The following ATP1A1 variants were observed in gnomAD, a reference collection of about 807,000 sequenced individuals.
ATP1A1 encodes the protein sodium/potassium-transporting ATPase subunit alpha-1.
Under a neutral mutation model 114.8 loss-of-function variants are expected in ATP1A1, and 14 were observed. That is an observed-to-expected ratio of 0.12 (90% confidence interval 0.08 to 0.19). ATP1A1 has a LOEUF of 0.19. Ranked by LOEUF, ATP1A1 falls within the 10% of genes least tolerant of loss-of-function variation. The pLI, the probability that ATP1A1 is intolerant of heterozygous loss-of-function variation, is 1.00. For synonymous variants in ATP1A1, 471 were observed against 466.3 expected (o/e 1.01, Z -0.13); for missense variants, 524 against 1,290.7 (o/e 0.41, Z 9.10).
chr1:116,373,472 C>A lies in ATP1A1; in HGVS notation c.-40C>A. On this transcript the variant is annotated 5_prime_UTR_variant, in exon 1 of 23. Coordinates refer to ENST00000295598, the MANE Select transcript of ATP1A1 (RefSeq NM_000701.8). The stretch of plus-strand genomic sequence containing the variant: ...CTCTGTGCTTTTCTCTCTGATTCTC[C>A]AGCGACAGGACCCGGCGCCGGGCAC... 6.6e-7 allele frequency: 1 copy of A among 1,515,700 alleles called. No individual in the cohort carries two copies. Among genetic ancestry groups the A allele is most frequent in the Non-Finnish European group, 8.8e-7 (1 of 1,132,420 alleles). 93.9% of individuals were successfully genotyped at this position (1,515,700 alleles called of 1,614,324 possible).
At chr1:116,374,939 C>T (rs1651261819) in intron 1 of ATP1A1, among the ~76,000 whole-genome samples, 1 of 152,126 alleles carries the variant, frequency 6.6e-6, no homozygotes, top group Non-Finnish European at 1.5e-5. Context: ...CACAACTCGC[C>T]TCGCTTTTAA....
chr1:116,389,079 T>C lies in ATP1A1; in HGVS notation c.754+60T>C. ...GTATTTCTCTTGGGCATTAACAAAA[T>C]CAAAACCATAGGCACAATCTCTTGT... On this transcript the variant is annotated intron_variant, in intron 7 of 22. Coordinates refer to ENST00000295598, the MANE Select transcript of ATP1A1 (RefSeq NM_000701.8). This position sits in a 1 kb window ranked among gnomAD's most constrained non-coding sequence, Gnocchi z 6.9. 14 of 1,437,072 alleles carry C rather than the reference T, an allele frequency of 9.7e-6. No individual in the cohort carries two copies. The highest frequency in any genetic ancestry group is 6.9e-5 in the South Asian group (6 of 86,394). The allele number at this position is 1,437,072 out of a possible 1,614,324, so 89.0% of individuals were successfully genotyped here.
Position 116,389,372 on chromosome 1 carries a change from G to A in ATP1A1, c.755-67G>A, listed in dbSNP as rs575641177. The A allele has an allele frequency of 3.4e-5, 54 of 1,583,438 alleles. No individual in the cohort carries two copies. The African/African-American group carries it at 7.2e-4, about 21-fold the overall frequency. On this transcript the variant is annotated intron_variant, in intron 7 of 22. Transcript: ENST00000295598. The surrounding 1 kb of genome is among the most constrained non-coding windows in gnomAD (Gnocchi z 6.9). Reference sequence around the variant, plus strand: ...TTTTTTAGTCATCCTATGTAATTGTGTAAAATCCGTGGCTTCCTTCAGGTT... The same window carrying A: ...TTTTTTAGTCATCCTATGTAATTGTATAAAATCCGTGGCTTCCTTCAGGTT...
chr1:116,401,297 A>G lies in ATP1A1; in HGVS notation c.2849+37A>G. ...AGGACATGTCAAGGCCTTGGCTCAAAGAAGGGGACTGGTGATTTGTAAACC... is the reference window on the plus strand; with the variant it reads ...AGGACATGTCAAGGCCTTGGCTCAAGGAAGGGGACTGGTGATTTGTAAACC... On this transcript the variant is annotated intron_variant, in intron 20 of 22. Transcript: ENST00000295598. The surrounding 1 kb of genome is among the most constrained non-coding windows in gnomAD (Gnocchi z 4.7). The G allele has an allele frequency of 6.2e-7, 1 of 1,612,278 alleles. No homozygotes were observed. Among genetic ancestry groups the G allele is most frequent in the Non-Finnish European group, 8.5e-7 (1 of 1,178,394 alleles).
intron 21 of ATP1A1, chr1:116,402,032 C>G: frequency 5.0e-6 from 1 of 201,098 alleles, no homozygotes; most frequent in Non-Finnish European, 1.0e-5. Flanking sequence ...GATTTGCTTG[C>G]TTAGTCACTG....
chr1:116,373,559 G>A lies in ATP1A1; in HGVS notation c.12+36G>A, dbSNP rs1296757580. 3 of 1,428,284 alleles carry A rather than the reference G, an allele frequency of 2.1e-6. No individual in the cohort carries two copies. The Admixed American group carries it at 9.3e-5, about 44-fold the overall frequency. The allele number at this position is 1,428,284 out of a possible 1,614,324, so 88.5% of individuals were successfully genotyped here. ...GGCGCGCCCGGGGAGGGGGCTCGGGGAGCCCTCGAGGGGAAGAGGAGGAAG... is the reference window on the plus strand; with the variant it reads ...GGCGCGCCCGGGGAGGGGGCTCGGGAAGCCCTCGAGGGGAAGAGGAGGAAG... On this transcript the variant is annotated intron_variant, in intron 1 of 22. Coordinates refer to ENST00000295598, the MANE Select transcript of ATP1A1 (RefSeq NM_000701.8).
chr1:116,373,598 C>A, intron 1 of ATP1A1, 75 bp downstream of exon 1: 2 of 1,308,048 alleles, frequency 1.5e-6, no homozygotes, highest in South Asian at 3.7e-5. Context: ...GGAGGGCGAC[C>A]GCGGCCAGCG....
intron 1 of ATP1A1, among the ~76,000 whole-genome samples, chr1:116,376,000 C>CCCTTTTTTT (rs753508709): frequency 1.8e-4 from 28 of 152,228 alleles, no homozygotes; most frequent in Non-Finnish European, 3.8e-4. Context: ...AGGATTTTGT[C>CCCTTTTTTT]CCTTTTTTTC....
At chr1:116,392,813 A>AT (rs1368284091) in intron 10 of ATP1A1, 41 bp from the exon 11 acceptor site, 4 of 1,582,228 alleles carry the variant, frequency 2.5e-6, no homozygotes, top group Non-Finnish European at 2.6e-6. Flanking sequence ...CCTCAGTGAA[A>AT]TTTTTTGGAG....
chr1:116,401,695 G>C lies in ATP1A1; in HGVS notation c.2951+40G>C. The C allele has an allele frequency of 1.9e-6, 3 of 1,576,724 alleles. No individual in the cohort carries two copies. The highest frequency in any genetic ancestry group is 2.6e-6 in the Non-Finnish European group (3 of 1,148,352). ...TGGTAGCTCCAAAAAGTATGAAATA[G>C]TATGTGTGGCTTTTCCCCCCATTAC... On this transcript the variant is annotated intron_variant, in intron 21 of 22. Coordinates refer to ENST00000295598, the MANE Select transcript of ATP1A1 (RefSeq NM_000701.8). The surrounding 1 kb of genome is among the most constrained non-coding windows in gnomAD (Gnocchi z 4.7).
chr1:116,399,297 T>C lies in ATP1A1; in HGVS notation c.2449-123T>C, dbSNP rs954094705. 2.1e-6 allele frequency: 3 copies of C among 1,434,278 alleles called. No individual in the cohort carries two copies. The highest frequency in any genetic ancestry group is 2.8e-6 in the Non-Finnish European group (3 of 1,057,102). 88.8% of individuals were successfully genotyped at this position (1,434,278 alleles called of 1,614,324 possible). A position where few individuals can be genotyped will look rare whatever the true frequency, so the allele number is the denominator to read the frequency against. On this transcript the variant is annotated intron_variant, in intron 17 of 22. Coordinates refer to ENST00000295598, the MANE Select transcript of ATP1A1 (RefSeq NM_000701.8). This position sits in a 1 kb window ranked among gnomAD's most constrained non-coding sequence, Gnocchi z 5.0. ...CATTTGTTTATCAGATGGGAATCTT[T>C]ATTTTTGTATACTTCACCTAAAAGA...
intron 1 of ATP1A1, 77 bp downstream of exon 1, chr1:116,373,600 C>G: frequency 1.5e-6 from 2 of 1,301,848 alleles, no homozygotes; most frequent in Non-Finnish European, 2.0e-6. Flanking sequence ...AGGGCGACCG[C>G]GGCCAGCGGG....
rs1557790156 is a variant in ATP1A1 at position 116,395,628 on chromosome 1, CTG to C, written c.1836+345_1836+346del. On this transcript the variant is annotated intron_variant, in intron 13 of 22. Transcript: ENST00000295598. This position sits in a 1 kb window ranked among gnomAD's most constrained non-coding sequence, Gnocchi z 6.4. ...GCATATCTTCTGTGTTTTCAGTTAA[CTG>C]TTTGTTAATGAGTGTTTGGTGTCCT... Among the ~76,000 whole-genome samples, 1 of 152,184 alleles carries C rather than the reference CTG, an allele frequency of 6.6e-6. No individual in the cohort carries two copies. The highest frequency in any genetic ancestry group is 1.5e-5 in the Non-Finnish European group (1 of 68,028).
At position 116,381,333 on chromosome 1, in the gene ATP1A1, T is replaced by C. The variant is rs1557780254; in HGVS notation, c.13-2681T>C. On this transcript the variant is annotated intron_variant, in intron 1 of 22. Coordinates refer to ENST00000295598, the MANE Select transcript of ATP1A1 (RefSeq NM_000701.8). This position sits in a 1 kb window ranked among gnomAD's most constrained non-coding sequence, Gnocchi z 5.1. ...ACTCCCTGACTCTGAATTTTGCAGC[T>C]TTGAGACTGAGGTAATTGAGACTGA... 6.6e-6 allele frequency among the ~76,000 whole-genome samples: 1 copy of C among 152,232 alleles called. No individual in the cohort carries two copies. The highest frequency in any genetic ancestry group is 1.5e-5 in the Non-Finnish European group (1 of 68,042).
At position 116,381,817 on chromosome 1, in the gene ATP1A1, T is replaced by C. The variant is rs1200097528; in HGVS notation, c.13-2197T>C. On this transcript the variant is annotated intron_variant, in intron 1 of 22. Transcript: ENST00000295598. This position sits in a 1 kb window ranked among gnomAD's most constrained non-coding sequence, Gnocchi z 5.1. Reference sequence around the variant, plus strand: ...ATGAAGCTGAGGGGTTATAACTATTTCATTTATTGAAATATATTTCAATGA... The same window carrying C: ...ATGAAGCTGAGGGGTTATAACTATTCCATTTATTGAAATATATTTCAATGA... Among the ~76,000 whole-genome samples the C allele has an allele frequency of 6.6e-6, 1 of 152,212 alleles. No individual in the cohort carries two copies. The highest frequency in any genetic ancestry group is 1.9e-4 in the East Asian group (1 of 5,202).
rs1653512225 is a variant in ATP1A1 at position 116,401,905 on chromosome 1, T to G, written c.2951+250T>G. 1 of 533,354 alleles carries G rather than the reference T, an allele frequency of 1.9e-6. No homozygotes were observed. Among genetic ancestry groups the G allele is most frequent in the Admixed American group, 3.4e-5 (1 of 29,320 alleles). 33.0% of individuals were successfully genotyped at this position (533,354 alleles called of 1,614,324 possible). A position where few individuals can be genotyped will look rare whatever the true frequency, so the allele number is the denominator to read the frequency against. ...TAAAGCCACACAGGCTCTAGCTCCA[T>G]GGAACTGCTCAACAGCGAACTGCAT... On this transcript the variant is annotated intron_variant, in intron 21 of 22. Transcript: ENST00000295598. This position sits in a 1 kb window ranked among gnomAD's most constrained non-coding sequence, Gnocchi z 4.7.
In ATP1A1 at chr1:116,397,402, C is replaced by T. The variant is rs1653022131; in HGVS notation, c.1974-486C>T. 6.6e-6 allele frequency among the ~76,000 whole-genome samples: 1 copy of T among 152,116 alleles called. No homozygotes were observed. The highest frequency in any genetic ancestry group is 6.5e-5 in the Admixed American group (1 of 15,272). ...TGTCATGATCTTGGCTCACTGCAACCTCCACCTCCTGAGTTCAAGTGATTC... is the reference window on the plus strand; with the variant it reads ...TGTCATGATCTTGGCTCACTGCAACTTCCACCTCCTGAGTTCAAGTGATTC... On this transcript the variant is annotated intron_variant, in intron 14 of 22. Coordinates refer to ENST00000295598, the MANE Select transcript of ATP1A1 (RefSeq NM_000701.8). This position sits in a 1 kb window ranked among gnomAD's most constrained non-coding sequence, Gnocchi z 4.2.
Position 116,381,868 on chromosome 1 carries a change from G to A in ATP1A1, c.13-2146G>A, listed in dbSNP as rs1418438307. Among the ~76,000 whole-genome samples the A allele has an allele frequency of 6.6e-6, 1 of 152,088 alleles. No individual in the cohort carries two copies. The highest frequency in any genetic ancestry group is 1.5e-5 in the Non-Finnish European group (1 of 68,012). ...TATTCAACTTGCTCAGAGAGAATCCGTGAGCTGTATTTTAAAAATCAATAC... is the reference window on the plus strand; with the variant it reads ...TATTCAACTTGCTCAGAGAGAATCCATGAGCTGTATTTTAAAAATCAATAC... On this transcript the variant is annotated intron_variant, in intron 1 of 22. Coordinates refer to ENST00000295598, the MANE Select transcript of ATP1A1 (RefSeq NM_000701.8). The surrounding 1 kb of genome is among the most constrained non-coding windows in gnomAD (Gnocchi z 5.1).
Position 116,387,323 on chromosome 1 carries a change from G to C in ATP1A1, c.219G>C (p.Ala73=), listed in dbSNP as rs147430340. 1 of 1,614,138 alleles carries C rather than the reference G, an allele frequency of 6.2e-7. No homozygotes were observed. ...LTSARAAEIL[A]RDGPNALTPP... is the part of the protein sequence containing the mutation. ...CTGCTCGTGCAGCTGAGATCCTGGC[G>C]CGAGATGGTCCCAACGCCCTCACTC... Residue 73 remains alanine, a synonymous_variant, in exon 4 of 23, where the codon GCG becomes GCC. Transcript: ENST00000295598. This position sits in a 1 kb window ranked among gnomAD's most constrained non-coding sequence, Gnocchi z 6.7.
Sources: gnomAD v4.1 joint callset for allele counts (sites outside exome capture counted in the v4.1 genomes callset) on GRCh38, gnomAD v4.1.1 for gene constraint, Gnocchi (gnomAD v3.1) non-coding constraint, MANE v1.5 for transcripts, NCBI Gene and HGNC (gene_info 2026-07-23, HGNC 2026-07-21) for gene names.